Variants in NAV1 observed in about 807,000 individuals in gnomAD.
NAV1 encodes pore membrane and/or filament interacting like protein 3.
NAV1 carries 18 observed loss-of-function variants against 175.2 expected under a neutral mutation model. The observed-to-expected ratio is 0.10, with a 90% CI of 0.07 to 0.15. NAV1 has a LOEUF of 0.15. Ranked by LOEUF, NAV1 falls within the 10% of genes least tolerant of loss-of-function variation. NAV1 has a pLI of 1.00. For missense variants in NAV1, 1,731 were observed against 2,436.6 expected (o/e 0.71, Z 6.10); for synonymous variants, 897 against 978.7 (o/e 0.92, Z 1.56).
chr1:201,570,698 C>T (rs996879882), intron 1 of NAV1, among the ~76,000 whole-genome samples: 1 of 152,232 alleles, frequency 6.6e-6, no homozygotes, highest in African/African-American at 2.4e-5. Context: ...GGAAGCCCAG[C>T]AGGCAGTCTC....
At chr1:201,640,621 G>A (rs1402910317) in intron 2 of NAV1, among the ~76,000 whole-genome samples, 2 of 152,206 alleles carry the variant, frequency 1.3e-5, no homozygotes, top group African/African-American at 4.8e-5. Flanking sequence ...AAGAACTGGA[G>A]CTTCCTTCAA....
Position 201,808,188 on chromosome 1 carries a change from C to G in NAV1, c.3845+39C>G, listed in dbSNP as rs1430935431. ...GGCTCCCTGCCACCCAGCCTGTTAC[C>G]AGTGTAAGCTGTGGGCTAGAGTTGA... is the stretch of plus-strand genomic sequence containing the variant. On this transcript the variant is annotated intron_variant, in intron 18 of 29. Transcript: ENST00000367296. The surrounding 1 kb of genome is among the most constrained non-coding windows in gnomAD (Gnocchi z 5.5). 1.2e-6 allele frequency: 2 copies of G among 1,605,764 alleles called. No homozygotes were observed. The highest frequency in any genetic ancestry group is 1.7e-6 in the Non-Finnish European group (2 of 1,173,628).
upstream of NAV1, among the ~76,000 whole-genome samples, chr1:201,645,858 A>G (rs573260395): frequency 1.1e-4 from 17 of 152,334 alleles, no homozygotes; most frequent in South Asian, 3.3e-3. Context: ...TCAAATTGCT[A>G]TTTTTAGGAA....
At chr1:201,731,252 T>C (rs1672848366) in intron 3 of NAV1, among the ~76,000 whole-genome samples, 1 of 151,944 alleles carries the variant, frequency 6.6e-6, no homozygotes, top group African/African-American at 2.4e-5. Context: ...AGATACTGTG[T>C]GAGACCCATC....
At chr1:201,791,909 C>T (rs1186135128) in intron 13 of NAV1, 1 of 152,026 alleles carries the variant, frequency 6.6e-6, no homozygotes, top group African/African-American at 2.4e-5. Context: ...TGTGCCACAC[C>T]CACCAAAGCA....
At chr1:201,577,767 G>C (rs1383870304) in intron 1 of NAV1, among the ~76,000 whole-genome samples, 3 of 152,058 alleles carry the variant, frequency 2.0e-5, no homozygotes, top group Non-Finnish European at 2.9e-5. Context: ...ACTGGGTATA[G>C]GATTATGAGT....
At position 201,812,795 on chromosome 1, in the gene NAV1, T is replaced by TC. The variant is rs1279519419; in HGVS notation, c.5221+134_5221+135insC. 18 of 773,026 alleles carry TC rather than the reference T, an allele frequency of 2.3e-5. No individual in the cohort carries two copies. In the Middle Eastern group the frequency reaches 1.2e-3, roughly 50 times the overall value. The allele number at this position is 773,026 out of a possible 1,614,324, so 47.9% of individuals were successfully genotyped here. On this transcript the variant is annotated intron_variant, in intron 27 of 29. Coordinates refer to ENST00000367296, the Ensembl canonical transcript of NAV1. The surrounding 1 kb of genome is among the most constrained non-coding windows in gnomAD (Gnocchi z 4.6). ...GCTGCAAGCCTTGTGGCTTCAGACT[T>TC]AGAACCACTTAACGAGCCTTCCCAA...
In NAV1 at chr1:201,767,450, C is replaced by CA. The variant is rs758328327; in HGVS notation, c.1227-12963dup. ...TGGGTGACAGGGCGAGACTCCGCCTCAAAAAAAATAAAAATAAAAATAAAA... is the reference window on the plus strand; with the variant it reads ...TGGGTGACAGGGCGAGACTCCGCCTCAAAAAAAAATAAAAATAAAAATAAAA... On this transcript the variant is annotated intron_variant, in intron 3 of 29. Transcript: ENST00000367296. Among the ~76,000 whole-genome samples, 480 of 135,434 alleles carry CA rather than the reference C, an allele frequency of 3.5e-3. 3 individuals carry two copies. The highest frequency in any genetic ancestry group is 5.8e-3 in the Non-Finnish European group (363 of 62,484). 88.8% of individuals were successfully genotyped at this position (135,434 alleles called of 152,430 possible).
At chr1:201,820,108 T>C in exon 30 of NAV1, 1 of 603,150 alleles carries the variant, frequency 1.7e-6, no homozygotes, top group Non-Finnish European at 2.9e-6. Context: ...TTTGAGAACT[T>C]CCTAGGAAGG....
chr1:201,567,733 A>T (rs1161648045), intron 1 of NAV1, among the ~76,000 whole-genome samples: 1 of 152,120 alleles, frequency 6.6e-6, no homozygotes, highest in Non-Finnish European at 1.5e-5. Flanking sequence ...TCTCTCCAAC[A>T]GCACAGACAT....
Position 201,718,558 on chromosome 1 carries a change from C to T in NAV1, c.1029C>T (p.Pro343=), listed in dbSNP as rs754794080. ...GGAGCTGCCGCTCGGAGGGGACGCC[C>T]GCCTGGTACATGCACGGCGAACGGG... Residue 343 remains proline, a synonymous_variant, in exon 3 of 30, where the codon CCC becomes CCT. Transcript: ENST00000367296. The surrounding 1 kb of genome is among the most constrained non-coding windows in gnomAD (Gnocchi z 4.8). 5.6e-6 allele frequency: 9 copies of T among 1,613,750 alleles called. No homozygotes were observed. The highest frequency in any genetic ancestry group is 4.4e-5 in the South Asian group (4 of 91,086).
At chr1:201,747,429 T>C (rs1445514245) in intron 3 of NAV1, among the ~76,000 whole-genome samples, 1 of 152,236 alleles carries the variant, frequency 6.6e-6, no homozygotes, top group Non-Finnish European at 1.5e-5. Flanking sequence ...GAAGTAGTAT[T>C]TCTGCCAGCG....
chr1:201,695,375 G>T (rs1014777617), intron 1 of NAV1, among the ~76,000 whole-genome samples: 2 of 152,172 alleles, frequency 1.3e-5, no homozygotes, highest in Non-Finnish European at 2.9e-5. Context: ...CGAGGTGGGG[G>T]CTTCCTCCTG....
intron 10 of NAV1, among the ~76,000 whole-genome samples, 180 bp from the exon 15 acceptor site, chr1:201,789,560 C>T (rs900899317): frequency 6.6e-6 from 1 of 152,166 alleles, no homozygotes. Context: ...AGGAGGCTAG[C>T]TTGACTCAAG....
At chr1:201,576,934 A>G (rs954189438) in intron 1 of NAV1, among the ~76,000 whole-genome samples, 1 of 152,138 alleles carries the variant, frequency 6.6e-6, no homozygotes, top group Non-Finnish European at 1.5e-5. Flanking sequence ...CTTTGGTGCT[A>G]TATCTCTTCA....
intron 1 of NAV1, among the ~76,000 whole-genome samples, chr1:201,664,675 G>A (rs1003966587): frequency 2.0e-5 from 3 of 152,156 alleles, no homozygotes; most frequent in South Asian, 2.1e-4. Context: ...TGCTGCACTC[G>A]ACAACCCACT....
exon 1 of NAV1, chr1:201,648,558 C>T (rs1669062052): frequency 8.0e-7 from 1 of 1,252,432 alleles, no homozygotes; most frequent in Non-Finnish European, 1.0e-6. Context: ...TTCTTCCGTC[C>T]TCTCTCTCCC....
chr1:201,574,927 G>T (rs1362972220), intron 1 of NAV1, among the ~76,000 whole-genome samples: 2 of 152,206 alleles, frequency 1.3e-5, no homozygotes, highest in African/African-American at 2.4e-5. Flanking sequence ...AGGGAGGCAT[G>T]GAAGACAGAC....
At chr1:201,687,910 C>T (rs1670746868) in intron 1 of NAV1, among the ~76,000 whole-genome samples, 1 of 152,218 alleles carries the variant, frequency 6.6e-6, no homozygotes. Flanking sequence ...CCTCCAACCA[C>T]CTCCAGCAGT....
Sources: gnomAD v4.1 joint callset for allele counts (sites outside exome capture counted in the v4.1 genomes callset) on GRCh38, gnomAD v4.1.1 for gene constraint, Gnocchi (gnomAD v3.1) non-coding constraint, MANE v1.5 for transcripts, NCBI Gene and HGNC (gene_info 2026-07-23, HGNC 2026-07-21) for gene names.